GPHN: variants seen among roughly 807,000 people sequenced by gnomAD.
The protein encoded by GPHN is gephyrin.
Under a neutral mutation model 95.5 loss-of-function variants are expected in GPHN, and 17 were observed. The ratio of observed to expected loss-of-function variants is 0.18; its 90% CI spans 0.12 to 0.27. The LOEUF (loss-of-function observed/expected upper bound fraction) is 0.27, where lower values mean the gene tolerates loss of function less well. GPHN is among the 10% of genes least tolerant of loss of function. GPHN has a pLI of 1.00. For synonymous variants in GPHN, 320 were observed against 322.5 expected (o/e 0.99, Z 0.08); for missense variants, 660 against 978.1 (o/e 0.67, Z 4.34).
chr14:67,471,827 T>G, the GPHN span: 1 of 152,296 alleles, frequency 6.6e-6, no homozygotes, highest in Non-Finnish European at 1.5e-5. Flanking sequence ...TCTCCACAGG[T>G]GATACCGTCA....
At chr14:67,361,813 TCGGATTACTTG>T in the GPHN span, among the ~76,000 whole-genome samples, 1 of 152,214 alleles carries the variant, frequency 6.6e-6, no homozygotes, top group Non-Finnish European at 1.5e-5. Context: ...GGATTTGATG[TCGGATTACTTG>T]AGTTTAGCTC....
chr14:67,671,987 G>A, the GPHN span, among the ~76,000 whole-genome samples: 4 of 152,336 alleles, frequency 2.6e-5, no homozygotes, highest in South Asian at 2.1e-4. Context: ...ATAAGTTTTA[G>A]AGGGGGACAT....
intron 4 of GPHN, among the ~76,000 whole-genome samples, chr14:66,838,756 G>A (rs2061961600): frequency 6.6e-6 from 1 of 152,130 alleles, no homozygotes; most frequent in South Asian, 2.1e-4. Flanking sequence ...CTCTCTCTGT[G>A]TATTAGGTAT....
the GPHN span, among the ~76,000 whole-genome samples, chr14:67,733,127 T>C: frequency 6.4e-5 from 7 of 109,262 alleles, no homozygotes; most frequent in African/African-American, 1.4e-4. Flanking sequence ...ATAATAATAA[T>C]AAAATTAAAA....
intron 2 of GPHN, among the ~76,000 whole-genome samples, chr14:66,685,506 G>T (rs1328727906): frequency 6.6e-6 from 1 of 152,214 alleles, no homozygotes; most frequent in Non-Finnish European, 1.5e-5. Flanking sequence ...GGCCAGTGAT[G>T]ATGAGCATTT....
At chr14:66,526,094 A>G (rs765250676) in intron 1 of GPHN, among the ~76,000 whole-genome samples, 16 of 151,508 alleles carry the variant, frequency 1.1e-4, no homozygotes, top group East Asian at 9.7e-4. Context: ...ATGGCTCACC[A>G]TACTGATTCT....
chr14:67,007,467 A>T (rs945445932), intron 9 of GPHN, among the ~76,000 whole-genome samples: 2 of 152,204 alleles, frequency 1.3e-5, no homozygotes, highest in African/African-American at 2.4e-5. Flanking sequence ...CCCTTTCCAC[A>T]TATCAAGTTT....
At chr14:67,279,922 A>G in the GPHN span, 1 of 179,838 alleles carries the variant, frequency 5.6e-6, no homozygotes, top group Non-Finnish European at 1.1e-5. Flanking sequence ...TAAATTTGTA[A>G]CTACAGTTTA....
chr14:67,005,980 G>GA (rs888591848), intron 9 of GPHN, among the ~76,000 whole-genome samples: 4 of 150,846 alleles, frequency 2.7e-5, no homozygotes, highest in African/African-American at 7.3e-5. Context: ...ATTTTAAGAG[G>GA]AAAAAAAGAA....
chr14:67,043,505 G>A (rs2074828986), intron 10 of GPHN, among the ~76,000 whole-genome samples: 1 of 152,112 alleles, frequency 6.6e-6, no homozygotes, highest in South Asian at 2.1e-4. Flanking sequence ...TTTTGTCATT[G>A]GTTTGGTTTA....
intron 12 of GPHN, among the ~76,000 whole-genome samples, chr14:67,099,662 C>T (rs2077586195): frequency 6.6e-6 from 1 of 152,018 alleles, no homozygotes. Flanking sequence ...TCCCTCTTCA[C>T]ATCAGGCTAA....
chr14:67,345,798 C>G, the GPHN span: 1 of 1,613,896 alleles, frequency 6.2e-7, no homozygotes, highest in Non-Finnish European at 8.5e-7. Context: ...CCAGTAGTTC[C>G]ACTGCTTTGG....
the GPHN span, chr14:67,729,247 C>A: frequency 1.9e-6 from 3 of 1,609,924 alleles, no homozygotes; most frequent in African/African-American, 2.7e-5. Flanking sequence ...TGAGCTGGTC[C>A]GGCACTCCTC....
chr14:66,937,483 T>A (rs1232177507), intron 8 of GPHN, among the ~76,000 whole-genome samples: 3 of 151,798 alleles, frequency 2.0e-5, no homozygotes. Context: ...CGGGTTCAAG[T>A]GATTCCTCTG....
chr14:66,776,386 G>A, intron 2 of GPHN, 78 bp from the exon 3 acceptor site: 1 of 874,624 alleles, frequency 1.1e-6, no homozygotes, highest in Non-Finnish European at 2.0e-6. Context: ...GTAGCATTCT[G>A]ATGGTAATGG....
At chr14:66,540,512 A>G (rs1055053480) in intron 1 of GPHN, among the ~76,000 whole-genome samples, 1 of 152,174 alleles carries the variant, frequency 6.6e-6, no homozygotes, top group Non-Finnish European at 1.5e-5. Flanking sequence ...TTTATAGTAG[A>G]ATTCTTCCTT....
the GPHN span, among the ~76,000 whole-genome samples, chr14:67,460,173 G>A: frequency 3.9e-5 from 6 of 152,030 alleles, no homozygotes; most frequent in African/African-American, 1.4e-4. Flanking sequence ...CCCTTTTTTT[G>A]TAAAGTTCAT....
intron 1 of GPHN, among the ~76,000 whole-genome samples, chr14:66,546,078 C>G (rs2140123194): frequency 6.7e-6 from 1 of 150,086 alleles, no homozygotes; most frequent in South Asian, 2.1e-4. Flanking sequence ...AGAGGTGCTC[C>G]TCACATCCCA....
At chr14:66,715,986 C>CTA (rs925594489) in intron 2 of GPHN, among the ~76,000 whole-genome samples, 16 of 151,348 alleles carry the variant, frequency 1.1e-4, no homozygotes, top group African/African-American at 2.4e-4. Flanking sequence ...TTCTATATAT[C>CTA]TATATATATA....
Sources: allele counts gnomAD v4.1 joint callset (sites outside exome capture counted in the v4.1 genomes callset), GRCh38; gene constraint gnomAD v4.1.1; transcripts MANE v1.5; gene names NCBI Gene and HGNC (gene_info 2026-07-23, HGNC 2026-07-21).